CLIP3: variants seen among roughly 807,000 people sequenced by gnomAD.
CLIP3 encodes CAP-Gly domain containing linker protein 3.
CLIP3 carries 15 observed loss-of-function variants against 59.4 expected under a neutral mutation model. The ratio of observed to expected loss-of-function variants is 0.25; its 90% confidence interval spans 0.17 to 0.39. The LOEUF (loss-of-function observed/expected upper bound fraction) is 0.39. CLIP3 is among the 10% of genes least tolerant of loss of function. The pLI is 1.00. For missense variants in CLIP3, 495 were observed against 765.7 expected (o/e 0.65, Z 4.17); for synonymous variants, 300 against 321.6 (o/e 0.93, Z 0.72).
At chr19:36,031,038 T>C (rs1599706159) in intron 2 of CLIP3, among the ~76,000 whole-genome samples, 1 of 144,108 alleles carries the variant, frequency 6.9e-6, no homozygotes, top group East Asian at 2.0e-4. Context: ...TTTTTTTTTT[T>C]TTTGAGACAG....
At position 36,016,559 on chromosome 19, in the gene CLIP3, G is replaced by T. The variant is rs1968804760; in HGVS notation, c.1590-347C>A. ...GACGGGGTTTCACCATGTTGGCCAG[G>T]CTGGTCTTGAACTCCTGACCTCAGG... is the stretch of plus-strand genomic sequence containing the variant. On this transcript the variant is annotated intron_variant, in intron 13 of 13. Coordinates refer to ENST00000360535, the MANE Select transcript of CLIP3 (RefSeq NM_015526.3). The surrounding 1 kb of genome is among the most constrained non-coding windows in gnomAD (Gnocchi z 4.1). 6.6e-6 allele frequency among the ~76,000 whole-genome samples: 1 copy of T among 152,196 alleles called. No individual in the cohort carries two copies. Among genetic ancestry groups the T allele is most frequent in the Admixed American group, 6.5e-5 (1 of 15,284 alleles).
intron 6 of CLIP3, among the ~76,000 whole-genome samples, chr19:36,025,121 A>G (rs889597493): frequency 8.0e-5 from 12 of 150,842 alleles, no homozygotes; most frequent in Admixed American, 4.0e-4. Flanking sequence ...ATCCCCAGGG[A>G]AACCCACCCC....
At chr19:36,020,325 G>A (rs1020976227) in intron 7 of CLIP3, among the ~76,000 whole-genome samples, 7 of 151,614 alleles carry the variant, frequency 4.6e-5, no homozygotes, top group Admixed American at 2.6e-4. Flanking sequence ...AATTTAGTCC[G>A]GGCGCGGTGG....
intron 7 of CLIP3, 55 bp from the exon 8 acceptor site, chr19:36,019,361 G>A (rs1195849425): frequency 4.5e-6 from 7 of 1,562,716 alleles, no homozygotes; most frequent in Non-Finnish European, 6.0e-6. Flanking sequence ...GGCCAACGTG[G>A]AGTGCCCACA....
At position 36,019,219 on chromosome 19, in the gene CLIP3, C is replaced by G; in HGVS notation, c.1006G>C (p.Asp336His). The change falls in exon 8 of 14, where the codon GAT becomes CAT. Residue 336 changes from aspartate (D) to histidine (H), a missense_variant. Transcript: ENST00000360535. Reference protein sequence around the residue: ...VELDEPEGKNDGSVGGVRYFI... With the variant: ...VELDEPEGKNHGSVGGVRYFI... ...TACCGAACGCCCCCAACGCTGCCAT[C>G]GTTCTTGCCCTCAGGTTCGTCCAGC... is the stretch of plus-strand genomic sequence containing the variant. 6.2e-7 allele frequency: 1 copy of G among 1,614,090 alleles called. No homozygotes were observed. Among genetic ancestry groups the G allele is most frequent in the Non-Finnish European group, 8.5e-7 (1 of 1,180,046 alleles).
At position 36,026,056 on chromosome 19, in the gene CLIP3, G is replaced by C. The variant is rs1969096587; in HGVS notation, c.681+91C>G. ...GTACAGACGGCATTTGTAGTATTTG[G>C]GGAGTCACGGGAAACGCAGAGACCT... On this transcript the variant is annotated intron_variant, in intron 6 of 13. Coordinates refer to ENST00000360535, the MANE Select transcript of CLIP3 (RefSeq NM_015526.3). The surrounding 1 kb of genome is among the most constrained non-coding windows in gnomAD (Gnocchi z 6.3). The C allele has an allele frequency of 5.7e-6, 5 of 879,596 alleles. No homozygotes were observed. The South Asian group carries it at 7.2e-5, about 13-fold the overall frequency. 54.5% of individuals were successfully genotyped at this position (879,596 alleles called of 1,614,324 possible). A position where few individuals can be genotyped will look rare whatever the true frequency, so the allele number is the denominator to read the frequency against.
In CLIP3 at chr19:36,017,765, G is replaced by A; in HGVS notation, c.1341C>T (p.Gly447=). 6.2e-7 allele frequency: 1 copy of A among 1,614,152 alleles called. No homozygotes were observed. Among genetic ancestry groups the A allele is most frequent in the Non-Finnish European group, 8.5e-7 (1 of 1,180,028 alleles). The change falls in exon 11 of 14, where the codon GGC becomes GGT. Residue 447 remains glycine (G), a synonymous_variant. Coordinates refer to ENST00000360535, the MANE Select transcript of CLIP3 (RefSeq NM_015526.3). ...TGCCTGTGGGCTGGTCCAGCTCAAT[G>A]CCATACCAGTAACCTGCAGCACGAG... ...KTDFAPGYWY[G]IELDQPTGKH... is the part of the protein sequence containing the mutation.
chr19:36,027,008 C>T lies in CLIP3; in HGVS notation c.344G>A (p.Gly115Glu). The T allele has an allele frequency of 6.3e-7, 1 of 1,592,262 alleles. No individual in the cohort carries two copies. The highest frequency in any genetic ancestry group is 2.2e-5 in the East Asian group (1 of 44,716). ...RRGCHVNDRD[G>E]LTDMTLLHYA... ...GTGGAGCAGTGTCATGTCGGTCAGC[C>T]CGTCACGATCGTTCACATGGCAGCC... The change falls in exon 4 of 14, where the codon GGG (glycine) becomes GAG (glutamate). Residue 115 changes from glycine to glutamate, a missense_variant. Transcript: ENST00000360535.
chr19:36,019,050 GGTGTT>G (rs1237456335), intron 8 of CLIP3, 24 bp from the exon 9 acceptor site: 6 of 1,583,332 alleles, frequency 3.8e-6, no homozygotes, highest in Non-Finnish European at 5.2e-6. Context: ...ATCCGAGCCT[GGTGTT>G]GTCCAAGCCT....
chr19:36,019,059 C>A, intron 8 of CLIP3, 33 bp from the exon 9 acceptor site: 1 of 1,585,414 alleles, frequency 6.3e-7, no homozygotes, highest in Non-Finnish European at 8.6e-7. Flanking sequence ...TGGTGTTGTC[C>A]AAGCCTCTGC....
At chr19:36,020,016 G>A (rs1418808425) in intron 7 of CLIP3, among the ~76,000 whole-genome samples, 1 of 151,948 alleles carries the variant, frequency 6.6e-6, no homozygotes, top group Non-Finnish European at 1.5e-5. Context: ...GACCAGCCTG[G>A]GTGAAAATGG....
At chr19:36,030,190 G>A (rs1186801163) in intron 2 of CLIP3, among the ~76,000 whole-genome samples, 2 of 152,060 alleles carry the variant, frequency 1.3e-5, no homozygotes, top group African/African-American at 4.8e-5. Flanking sequence ...GGAGTAGCTG[G>A]GACTACAGGT....
intron 6 of CLIP3, 142 bp from the exon 7 acceptor site, chr19:36,024,774 G>T: frequency 1.3e-6 from 1 of 768,736 alleles, no homozygotes; most frequent in East Asian, 2.7e-5. Context: ...GAATAAGAAG[G>T]GTCAGGGCAA....
Position 36,026,017 on chromosome 19 carries a change from T to C in CLIP3, c.681+130A>G, listed in dbSNP as rs978898563. ...ACACTAGGCATATTTCAGCTGTTAT[T>C]GCATTTGCTGAATGTACAGACGGCA... On this transcript the variant is annotated intron_variant, in intron 6 of 13. Coordinates refer to ENST00000360535, the MANE Select transcript of CLIP3 (RefSeq NM_015526.3). This position sits in a 1 kb window ranked among gnomAD's most constrained non-coding sequence, Gnocchi z 6.3. 8 of 670,498 alleles carry C rather than the reference T, an allele frequency of 1.2e-5. No homozygotes were observed. Among genetic ancestry groups the C allele is most frequent in the Non-Finnish European group, 1.9e-5 (7 of 368,726 alleles). The allele number at this position is 670,498 out of a possible 1,614,324, so 41.5% of individuals were successfully genotyped here. A position where few individuals can be genotyped will look rare whatever the true frequency, so the allele number is the denominator to read the frequency against.
In CLIP3 at chr19:36,019,027, C is replaced by A; in HGVS notation, c.1055-1G>T. 6.3e-7 allele frequency: 1 copy of A among 1,586,526 alleles called. No homozygotes were observed. ...ATCTTGGACACGGAGGCAAAGAGAC[C>A]TAGGGGTACAGAATCCGAGCCTGGT... On this transcript the variant is annotated splice_acceptor_variant, in intron 8 of 13. Coordinates refer to ENST00000360535, the MANE Select transcript of CLIP3 (RefSeq NM_015526.3). LOFTEE classifies it high-confidence loss of function.
intron 2 of CLIP3, among the ~76,000 whole-genome samples, chr19:36,029,435 A>G (rs1482800997): frequency 4.0e-5 from 6 of 151,038 alleles, no homozygotes; most frequent in Non-Finnish European, 8.8e-5. Flanking sequence ...TACAGTATAC[A>G]TCACCATGCC....
In CLIP3 at chr19:36,026,480, C is replaced by G. The variant is rs1294409857; in HGVS notation, c.562+106G>C. ...TCCCACGCCTCCAACCTCCCGCTAT[C>G]TCCTCAGATCACCGTCCTCCTTCCC... On this transcript the variant is annotated intron_variant, in intron 5 of 13. Transcript: ENST00000360535. The surrounding 1 kb of genome is among the most constrained non-coding windows in gnomAD (Gnocchi z 6.3). The G allele has an allele frequency of 6.7e-7, 1 of 1,486,108 alleles. No individual in the cohort carries two copies. The highest frequency in any genetic ancestry group is 1.4e-5 in the African/African-American group (1 of 72,258). 92.1% of individuals were successfully genotyped at this position (1,486,108 alleles called of 1,614,324 possible).
Position 36,016,716 on chromosome 19 carries a change from G to T in CLIP3, c.1589+191C>A. ...GCTTCCTTTACCGGCCCACCCGAAA[G>T]TGGAATTCACTAGAATTCAGTGCGG... On this transcript the variant is annotated intron_variant, in intron 13 of 13. Coordinates refer to ENST00000360535, the MANE Select transcript of CLIP3 (RefSeq NM_015526.3). The surrounding 1 kb of genome is among the most constrained non-coding windows in gnomAD (Gnocchi z 4.1). 1 of 618,016 alleles carries T rather than the reference G, an allele frequency of 1.6e-6. No homozygotes were observed. The highest frequency in any genetic ancestry group is 2.9e-6 in the Non-Finnish European group (1 of 347,794). 38.3% of individuals were successfully genotyped at this position (618,016 alleles called of 1,614,324 possible).
At position 36,016,299 on chromosome 19, in the gene CLIP3, G is replaced by T; in HGVS notation, c.1590-87C>A. ...ACCCCCAGCCTTTCCCCCAGTGTTT[G>T]CTATCAGGCCTTTCTGGATTCTGCC... On this transcript the variant is annotated intron_variant, in intron 13 of 13. Coordinates refer to ENST00000360535, the MANE Select transcript of CLIP3 (RefSeq NM_015526.3). The surrounding 1 kb of genome is among the most constrained non-coding windows in gnomAD (Gnocchi z 4.1). 1 of 1,470,722 alleles carries T rather than the reference G, an allele frequency of 6.8e-7. No homozygotes were observed. The highest frequency in any genetic ancestry group is 9.4e-7 in the Non-Finnish European group (1 of 1,059,070). The allele number at this position is 1,470,722 out of a possible 1,614,324, so 91.1% of individuals were successfully genotyped here. A position where few individuals can be genotyped will look rare whatever the true frequency, so the allele number is the denominator to read the frequency against.
Sources: allele counts gnomAD v4.1 joint callset (sites outside exome capture counted in the v4.1 genomes callset), GRCh38; gene constraint gnomAD v4.1.1; non-coding constraint Gnocchi (gnomAD v3.1); transcripts MANE v1.5; gene names NCBI Gene and HGNC (gene_info 2026-07-23, HGNC 2026-07-21).